TMEM63C: variants seen among roughly 807,000 people sequenced by gnomAD.
The protein encoded by TMEM63C is osmosensitive cation channel TMEM63C.
TMEM63C carries 32 observed loss-of-function variants against 99.2 expected under a neutral mutation model. The observed-to-expected ratio is 0.32, with a 90% CI of 0.24 to 0.43. The LOEUF (loss-of-function observed/expected upper bound fraction) is 0.43, where lower values mean the gene tolerates loss of function less well. TMEM63C is among the 20% of genes least tolerant of loss of function. The probability of loss-of-function intolerance (pLI) is 1.00; values close to 1 mark genes in which losing one functional copy is unlikely to be tolerated. For synonymous variants in TMEM63C, 376 were observed against 397.9 expected, an observed-to-expected ratio of 0.94 and a Z score of 0.66; for missense variants, 826 against 1,053.0, an observed-to-expected ratio of 0.78 and a Z score of 2.98.
Position 77,238,760 on chromosome 14 carries a change from C to T in TMEM63C, c.718C>T (p.His240Tyr). 1 of 1,613,668 alleles carries T rather than the reference C, an allele frequency of 6.2e-7. No individual in the cohort carries two copies. Among genetic ancestry groups the T allele is most frequent in the Non-Finnish European group, 8.5e-7 (1 of 1,179,560 alleles). Reference protein sequence around the residue: ...DIEDPELIIKHFHEAYPGSVV... With the variant: ...DIEDPELIIKYFHEAYPGSVV... The stretch of plus-strand genomic sequence containing the variant: ...TGAAGACCCAGAACTCATCATTAAG[C>T]ATTTTCAGTAAGTGGGTTGGGGTAG... The change falls in exon 10 of 24, where the codon CAT (histidine) becomes TAT (tyrosine). Residue 240 changes from histidine to tyrosine, a missense_variant. Physicochemically the swap from His to Tyr is moderately conservative, Grantham distance 83. Coordinates refer to ENST00000298351, the MANE Select transcript of TMEM63C (RefSeq NM_020431.4).
intron 22 of TMEM63C, among the ~76,000 whole-genome samples, chr14:77,252,179 CT>C (rs1889378539): frequency 6.6e-6 from 1 of 152,234 alleles, no homozygotes. Context: ...AAACTGCAGG[CT>C]GCTGCGATGT....
At chr14:77,239,358 G>C (rs927138647) in intron 10 of TMEM63C, 54 bp from the exon 11 acceptor site, 14 of 1,586,824 alleles carry the variant, frequency 8.8e-6, no homozygotes, top group Non-Finnish European at 1.0e-5. Context: ...GGGGGTAGGG[G>C]CAGCACATCC....
intron 1 of TMEM63C, among the ~76,000 whole-genome samples, chr14:77,200,621 C>T (rs190767302): frequency 1.3e-4 from 20 of 152,378 alleles, no homozygotes; most frequent in Non-Finnish European, 2.6e-4. Context: ...AGGCTTCAAC[C>T]TGGCCCCCAT....
intron 1 of TMEM63C, among the ~76,000 whole-genome samples, chr14:77,200,068 C>T (rs1888275270): frequency 6.6e-6 from 1 of 152,210 alleles, no homozygotes; most frequent in Non-Finnish European, 1.5e-5. Context: ...GCCAGTGCCT[C>T]CTTGTGTCTA....
At chr14:77,234,230 C>A (rs1888996107) in intron 8 of TMEM63C, among the ~76,000 whole-genome samples, 1 of 152,056 alleles carries the variant, frequency 6.6e-6, no homozygotes, top group Non-Finnish European at 1.5e-5. Flanking sequence ...GGTTCACACA[C>A]CCCTGCCCCA....
At chr14:77,232,637 T>C (rs382670) in intron 7 of TMEM63C, among the ~76,000 whole-genome samples, 9,808 of 152,290 alleles carry the variant, frequency 0.064, 410 homozygotes, top group Admixed American at 0.1. Context: ...TCCCGAGCTT[T>C]ACTTTCCTCA....
intron 13 of TMEM63C, among the ~76,000 whole-genome samples, chr14:77,241,220 G>C (rs1419149190): frequency 2.6e-5 from 4 of 152,030 alleles, no homozygotes; most frequent in Non-Finnish European, 4.4e-5. Context: ...CAAAGTGCTG[G>C]GATTACAGGT....
intron 13 of TMEM63C, 93 bp from the exon 14 acceptor site, chr14:77,242,254 C>T: frequency 1.4e-6 from 2 of 1,439,324 alleles, no homozygotes; most frequent in Non-Finnish European, 1.9e-6. Flanking sequence ...TGTAGGACCA[C>T]CATAGTGGCC....
chr14:77,234,350 C>G (rs1489049973), intron 8 of TMEM63C, among the ~76,000 whole-genome samples: 1 of 152,198 alleles, frequency 6.6e-6, no homozygotes, highest in Non-Finnish European at 1.5e-5. Flanking sequence ...CTATGGCATC[C>G]TCTCACCTCT....
intron 3 of TMEM63C, 113 bp from the exon 4 acceptor site, chr14:77,219,385 G>A: frequency 9.7e-7 from 1 of 1,032,828 alleles, no homozygotes; most frequent in Non-Finnish European, 1.5e-6. Flanking sequence ...TCTAGTGGAG[G>A]AGCTCCCTGG....
chr14:77,250,554 C>T (rs1379783342), intron 21 of TMEM63C, among the ~76,000 whole-genome samples: 19 of 151,846 alleles, frequency 1.3e-4, no homozygotes, highest in Admixed American at 1.2e-3. Flanking sequence ...ATTCTCCTGC[C>T]TCAGCCCCCT....
intron 1 of TMEM63C, among the ~76,000 whole-genome samples, chr14:77,183,313 G>C (rs1419485716): frequency 4.6e-5 from 7 of 152,218 alleles, no homozygotes; most frequent in Admixed American, 6.5e-5. Context: ...GAGAAGCTGA[G>C]GCTGCAAGGG....
chr14:77,224,432 C>T (rs1342947180), intron 5 of TMEM63C, among the ~76,000 whole-genome samples: 1 of 152,024 alleles, frequency 6.6e-6, no homozygotes, highest in South Asian at 2.1e-4. Flanking sequence ...TGCACATGAC[C>T]CAAATGGGGC....
intron 1 of TMEM63C, among the ~76,000 whole-genome samples, chr14:77,194,573 T>TTCTTTCTG (rs1197452594): frequency 1.3e-4 from 20 of 148,724 alleles, no homozygotes; most frequent in Non-Finnish European, 3.0e-4. Flanking sequence ...CTTTCTGTCT[T>TTCTTTCTG]TCTTTCTTCC....
chr14:77,251,196 T>C (rs1889353135), intron 21 of TMEM63C, among the ~76,000 whole-genome samples: 1 of 152,248 alleles, frequency 6.6e-6, no homozygotes, highest in Non-Finnish European at 1.5e-5. Flanking sequence ...TGATTGGATA[T>C]TGAGGTTTGC....
At chr14:77,218,770 G>T (rs1888637557) in intron 2 of TMEM63C, 31 bp from the exon 3 acceptor site, 1 of 1,607,700 alleles carries the variant, frequency 6.2e-7, no homozygotes, top group Non-Finnish European at 8.5e-7. Context: ...GGGAGTCTTT[G>T]CATCTGACCT....
intron 20 of TMEM63C, 136 bp downstream of exon 20, chr14:77,249,008 TG>T: frequency 1.1e-6 from 1 of 887,686 alleles, no homozygotes; most frequent in Non-Finnish European, 1.8e-6. Flanking sequence ...AGGGCCAAGC[TG>T]GGGGTACAGG....
intron 15 of TMEM63C, among the ~76,000 whole-genome samples, 200 bp downstream of exon 15, chr14:77,243,256 T>C (rs1179337243): frequency 6.6e-6 from 1 of 152,058 alleles, no homozygotes; most frequent in African/African-American, 2.4e-5. Flanking sequence ...CTGCCAGTCT[T>C]AGGGACCAGG....
intron 5 of TMEM63C, among the ~76,000 whole-genome samples, chr14:77,224,133 A>G (rs545008370): frequency 6.6e-6 from 1 of 152,082 alleles, no homozygotes; most frequent in East Asian, 2.0e-4. Context: ...TCGAGTGGCC[A>G]TTGTCACCAT....
Sources: gnomAD v4.1 joint callset for allele counts (sites outside exome capture counted in the v4.1 genomes callset) on GRCh38, gnomAD v4.1.1 for gene constraint, MANE v1.5 for transcripts, NCBI Gene and HGNC (gene_info 2026-07-23, HGNC 2026-07-21) for gene names.